Variants in CFAP74 observed in about 807,000 individuals in gnomAD.
CFAP74 encodes cilia- and flagella-associated protein 74.
A neutral mutation model predicts 188.9 loss-of-function variants in CFAP74; 124 were observed. The observed-to-expected ratio is 0.66, with a 90% CI of 0.57 to 0.76. The LOEUF is 0.76. Among genes scored for constraint, CFAP74 ranks in the 30% least tolerant of loss-of-function variants. CFAP74 has a pLI of 0.00. For synonymous variants in CFAP74, 956 were observed against 916.7 expected (o/e 1.04, Z -0.77); for missense variants, 2,198 against 2,165.2 (o/e 1.02, Z -0.30).
intron 25 of CFAP74, among the ~76,000 whole-genome samples, chr1:1,937,354 A>T (rs1652971061): frequency 6.6e-6 from 1 of 152,252 alleles, no homozygotes; most frequent in African/African-American, 2.4e-5. Flanking sequence ...ACGGGACAGC[A>T]TCGCACCTGT....
Position 1,974,068 on chromosome 1 carries a change from C to T in CFAP74, c.631G>A (p.Glu211Lys), listed in dbSNP as rs1031161655. 6.2e-7 allele frequency: 1 copy of T among 1,606,582 alleles called. No individual in the cohort carries two copies. The highest frequency in any genetic ancestry group is 1.3e-5 in the African/African-American group (1 of 74,780). Residue 211 changes from glutamate to lysine, a missense_variant, in exon 7 of 39, where the codon GAG (glutamate) becomes AAG (lysine). Physicochemically the swap from Glu to Lys is moderately conservative, Grantham distance 56. Transcript: ENST00000682832. ...TTCCGCTCCACCTTCCCCAGGGCCT[C>T]CTGCTCTCTGCAGAGCTGCTCGGCT... Reference protein sequence around the residue: ...RAAEQLCREQEALGKVERNRL... With the variant: ...RAAEQLCREQKALGKVERNRL...
In CFAP74 at chr1:1,946,332, G is replaced by A; in HGVS notation, c.2349C>T (p.Asn783=). Residue 783 remains asparagine, a synonymous_variant, in exon 20 of 39, where the codon AAC becomes AAT. Transcript: ENST00000682832. ...VQARFKVTFK[N]PQCPTLHFRV... The stretch of plus-strand genomic sequence containing the variant: ...GAATACTCACCGTGGGGCACTGGGG[G>A]TTCTTAAACGTGACTTTGAACCTGG... The A allele has an allele frequency of 6.5e-7, 1 of 1,536,232 alleles. No individual in the cohort carries two copies. The highest frequency in any genetic ancestry group is 8.7e-7 in the Non-Finnish European group (1 of 1,146,692).
chr1:1,938,217 GCACTCA>G (rs1317256461), intron 25 of CFAP74, among the ~76,000 whole-genome samples: 2 of 132,498 alleles, frequency 1.5e-5, no homozygotes, highest in Non-Finnish European at 3.3e-5. Flanking sequence ...ACACATACAT[GCACTCA>G]CAGTCACATG....
intron 6 of CFAP74, among the ~76,000 whole-genome samples, chr1:1,980,773 C>A (rs373660221): frequency 2.0e-5 from 3 of 152,208 alleles, no homozygotes; most frequent in Non-Finnish European, 2.9e-5. Flanking sequence ...AGCCCCTCCA[C>A]GGGGTCTCTC....
chr1:2,000,485 G>A lies in CFAP74; in HGVS notation c.-20+3216C>T, dbSNP rs116567222. On this transcript the variant is annotated intron_variant, in intron 1 of 38. Coordinates refer to ENST00000682832, the MANE Select transcript of CFAP74 (RefSeq NM_001304360.2). Reference sequence around the variant, plus strand: ...ATCCCACCTGTTGTGTTAGCTTCCCGGGGTCGCCATAACAAAGTACCACAA... The same window carrying A: ...ATCCCACCTGTTGTGTTAGCTTCCCAGGGTCGCCATAACAAAGTACCACAA... 6.0e-3 allele frequency among the ~76,000 whole-genome samples: 907 copies of A among 152,248 alleles called. 11 individuals carry two copies. Among genetic ancestry groups the A allele is most frequent in the African/African-American group, 0.021 (860 of 41,546 alleles).
At chr1:1,958,653 T>C (rs962426147) in intron 16 of CFAP74, among the ~76,000 whole-genome samples, 6 of 150,076 alleles carry the variant, frequency 4.0e-5, no homozygotes, top group Non-Finnish European at 5.9e-5. Flanking sequence ...ACAACAGATA[T>C]AGCAGTTGAT....
chr1:1,925,142 G>A (rs1468151472), intron 33 of CFAP74, among the ~76,000 whole-genome samples: 13 of 121,902 alleles, frequency 1.1e-4, no homozygotes, highest in South Asian at 2.8e-4. Flanking sequence ...ATGAGGGCAC[G>A]CAGGGCAGGG....
chr1:1,925,796 G>C lies in CFAP74; in HGVS notation c.4091C>G (p.Ser1364Cys), dbSNP rs1400084463. ...CGTGTGCTTCACCTTGAAGCCTGAG[G>C]ACACAGACTCTCCGGCAATCACATA... ...MGYVIAGESV[S>C]SGFKLQNNSL... The change falls in exon 33 of 39, where the codon TCC (serine) becomes TGC (cysteine). Residue 1364 changes from serine to cysteine, a missense_variant. Physicochemically the swap from Ser to Cys is moderately radical, Grantham distance 112 (BLOSUM62 -1). Coordinates refer to ENST00000682832, the MANE Select transcript of CFAP74 (RefSeq NM_001304360.2). 6.2e-7 allele frequency: 1 copy of C among 1,612,258 alleles called. No individual in the cohort carries two copies. The highest frequency in any genetic ancestry group is 1.3e-5 in the African/African-American group (1 of 74,906).
intron 18 of CFAP74, among the ~76,000 whole-genome samples, chr1:1,951,977 A>G (rs1357168453): frequency 6.6e-6 from 1 of 152,238 alleles, no homozygotes; most frequent in African/African-American, 2.4e-5. Context: ...CCCTCAGAAG[A>G]GCACAGCTTT....
At chr1:1,988,436 C>T (rs558822830) in intron 4 of CFAP74, 76 bp downstream of exon 4, 1 of 1,572,046 alleles carries the variant, frequency 6.4e-7, no homozygotes, top group East Asian at 2.2e-5. Context: ...AGGTACAGGA[C>T]CACCCCTGCT....
At chr1:1,946,220 G>A in intron 20 of CFAP74, 97 bp downstream of exon 20, 2 of 1,416,916 alleles carry the variant, frequency 1.4e-6, no homozygotes, top group Non-Finnish European at 1.9e-6. Context: ...ATCCCTGCGT[G>A]GGCAAATGGC....
At chr1:1,934,091 C>T (rs577240298) in intron 25 of CFAP74, among the ~76,000 whole-genome samples, 68 of 152,304 alleles carry the variant, frequency 4.5e-4, no homozygotes, top group African/African-American at 1.4e-3. Context: ...CATGAGGTCC[C>T]GGTCTGCATG....
intron 26 of CFAP74, among the ~76,000 whole-genome samples, chr1:1,929,613 G>A (rs1652198853): frequency 6.6e-6 from 1 of 151,826 alleles, no homozygotes; most frequent in Non-Finnish European, 1.5e-5. Flanking sequence ...GCAGCCCTCA[G>A]GGTCACCCGA....
At chr1:1,999,099 T>G (rs1374962505) in intron 1 of CFAP74, among the ~76,000 whole-genome samples, 1 of 152,114 alleles carries the variant, frequency 6.6e-6, no homozygotes, top group African/African-American at 2.4e-5. Context: ...TTTTAAAATG[T>G]ATATGGAAGA....
rs1056007281 is a variant in CFAP74, at chr1:1,927,821, C to A, written c.3388-75G>T. ...CCAGCTGTGCCCCGTGGCTCCTCTG[C>A]GGCCAGTGCGGGAACCGCGGGAGCC... is the stretch of plus-strand genomic sequence containing the variant. On this transcript the variant is annotated intron_variant, in intron 27 of 38. Coordinates refer to ENST00000682832, the MANE Select transcript of CFAP74 (RefSeq NM_001304360.2). The A allele has an allele frequency of 1.9e-5, 28 of 1,467,096 alleles. No homozygotes were observed. The Admixed American group carries it at 2.8e-4, about 15-fold the overall frequency. 90.9% of individuals were successfully genotyped at this position (1,467,096 alleles called of 1,614,324 possible).
intron 28 of CFAP74, 172 bp downstream of exon 28, chr1:1,927,435 G>T: frequency 1.5e-6 from 1 of 664,374 alleles, no homozygotes; most frequent in African/African-American, 1.8e-5. Flanking sequence ...AATGGGGTGG[G>T]TAGGTCCCAG....
At position 1,970,738 on chromosome 1, in the gene CFAP74, CCTT is replaced by C; in HGVS notation, c.964_966del (p.Lys322del). The stretch of plus-strand genomic sequence containing the variant: ...GCATCCCTGCCCTGGGCCAGAATCG[CCTT>C]CTTCTCAGCCTGGACCCTCTGCTCC... On this transcript the variant is annotated inframe_deletion, in exon 10 of 39. Coordinates refer to ENST00000682832, the MANE Select transcript of CFAP74 (RefSeq NM_001304360.2). The C allele has an allele frequency of 6.2e-7, 1 of 1,614,196 alleles. No homozygotes were observed.
chr1:1,962,001 G>C (rs370558856), intron 14 of CFAP74, among the ~76,000 whole-genome samples: 9 of 152,178 alleles, frequency 5.9e-5, no homozygotes, highest in African/African-American at 1.2e-4. Context: ...GGGCAGCAAG[G>C]GGGGAATGAG....
At chr1:1,980,887 G>A (rs1466613539) in intron 6 of CFAP74, among the ~76,000 whole-genome samples, 2 of 152,250 alleles carry the variant, frequency 1.3e-5, no homozygotes, top group African/African-American at 2.4e-5. Context: ...TGCCTTAGGC[G>A]GCTAAGGGCT....
Sources: gnomAD v4.1 joint callset for allele counts (sites outside exome capture counted in the v4.1 genomes callset) on GRCh38, gnomAD v4.1.1 for gene constraint, MANE v1.5 for transcripts, NCBI Gene and HGNC (gene_info 2026-07-23, HGNC 2026-07-21) for gene names.